The following STEAP1B variants were observed in gnomAD, a reference collection of about 807,000 sequenced individuals.
STEAP1B encodes the protein STEAP family protein MGC87042.
In STEAP1B, 13 loss-of-function variants were observed where a neutral mutation model predicts 27.9. That is an observed-to-expected ratio of 0.47 (90% confidence interval 0.30 to 0.74). STEAP1B has a LOEUF of 0.74. Among genes scored for constraint, STEAP1B ranks in the 30% least tolerant of loss-of-function variants. The probability of loss-of-function intolerance (pLI) is 0.06; values close to 1 mark genes in which losing one functional copy is unlikely to be tolerated. For synonymous variants in STEAP1B, 86 were observed against 107.1 expected (o/e 0.80, Z 1.22); for missense variants, 250 against 298.7 (o/e 0.84, Z 1.20).
chr7:22,477,336 C>T (rs556484382), intron 4 of STEAP1B, among the ~76,000 whole-genome samples: 2 of 152,278 alleles, frequency 1.3e-5, no homozygotes, highest in East Asian at 3.9e-4. Context: ...TGATGGCTTC[C>T]TATTAATGCC....
intron 4 of STEAP1B, among the ~76,000 whole-genome samples, chr7:22,479,200 G>A (rs762345803): frequency 1.4e-4 from 21 of 152,204 alleles, no homozygotes; most frequent in Admixed American, 2.0e-4. Context: ...GGGGCTTGCT[G>A]GGTGGGACTG....
intron 4 of STEAP1B, among the ~76,000 whole-genome samples, chr7:22,452,350 G>C (rs1216583269): frequency 1.3e-5 from 2 of 152,190 alleles, no homozygotes; most frequent in East Asian, 3.9e-4. Flanking sequence ...GTGAGAAACG[G>C]AAAGAAAGTG....
chr7:22,493,716 G>C lies in STEAP1B; in HGVS notation c.205C>G (p.Pro69Ala). 1.2e-6 allele frequency: 2 copies of C among 1,613,970 alleles called. No homozygotes were observed. The highest frequency in any genetic ancestry group is 1.7e-6 in the Non-Finnish European group (2 of 1,179,858). Residue 69 changes from proline (P) to alanine (A), a missense_variant, in exon 3 of 5, where the codon CCA becomes GCA. Physicochemically the swap from Pro to Ala is conservative, Grantham distance 27 (BLOSUM62 -1). Transcript: ENST00000678116. Reference sequence around the variant, plus strand: ...ATTTTAATTGGCAAGTGCCACTGTGGAAAGAGTTCCTGTGCGTGCTGAAGT... The same window carrying C: ...ATTTTAATTGGCAAGTGCCACTGTGCAAAGAGTTCCTGTGCGTGCTGAAGT... ...SELQHAQELFPQWHLPIKIAA... is the reference protein window; with the variant it reads ...SELQHAQELFAQWHLPIKIAA...
At chr7:22,432,369 T>C (rs1180443300) in intron 4 of STEAP1B, among the ~76,000 whole-genome samples, 1 of 136,660 alleles carries the variant, frequency 7.3e-6, no homozygotes, top group Non-Finnish European at 1.5e-5. Context: ...AGAAACCCTA[T>C]ACCTAATAAA....
chr7:22,449,636 T>C (rs1034509801), intron 4 of STEAP1B, among the ~76,000 whole-genome samples: 2 of 152,210 alleles, frequency 1.3e-5, no homozygotes, highest in African/African-American at 4.8e-5. Flanking sequence ...GATATAGTAA[T>C]TTCCTTTCTT....
chr7:22,456,972 A>ATATATATATATTTTTTTTTTTTT, intron 4 of STEAP1B, among the ~76,000 whole-genome samples: 2 of 57,042 alleles, frequency 3.5e-5, no homozygotes, highest in East Asian at 1.3e-3. Flanking sequence ...ATATATATAT[A>ATATATATATATTTTTTTTTTTTT]TTTTTTTTTT....
chr7:22,434,215 C>G (rs1203759375), intron 4 of STEAP1B, among the ~76,000 whole-genome samples: 6 of 152,146 alleles, frequency 3.9e-5, no homozygotes, highest in Non-Finnish European at 8.8e-5. Flanking sequence ...CCTCCAGGGA[C>G]AGGAAGGGGA....
intron 4 of STEAP1B, among the ~76,000 whole-genome samples, chr7:22,452,519 A>G (rs1785508156): frequency 6.6e-6 from 1 of 152,208 alleles, no homozygotes; most frequent in South Asian, 2.1e-4. Flanking sequence ...ATCACAAAGC[A>G]AGACAAAAAG....
intron 4 of STEAP1B, among the ~76,000 whole-genome samples, chr7:22,443,728 C>CT (rs1785367849): frequency 6.6e-6 from 1 of 152,204 alleles, no homozygotes; most frequent in Non-Finnish European, 1.5e-5. Flanking sequence ...GCATTGCTGG[C>CT]TGTCATGGTA....
At chr7:22,482,020 T>C (rs1202821306) in intron 4 of STEAP1B, among the ~76,000 whole-genome samples, 1 of 152,184 alleles carries the variant, frequency 6.6e-6, no homozygotes, top group Non-Finnish European at 1.5e-5. Context: ...CACTGTGTTC[T>C]CTCTGGAAAC....
intron 4 of STEAP1B, among the ~76,000 whole-genome samples, chr7:22,442,529 T>C (rs1296307003): frequency 6.6e-6 from 1 of 152,234 alleles, no homozygotes; most frequent in Non-Finnish European, 1.5e-5. Context: ...TGAAGAGCTC[T>C]TTCCCAAATA....
At chr7:22,470,462 T>C (rs116411315) in intron 4 of STEAP1B, among the ~76,000 whole-genome samples, 161 of 152,298 alleles carry the variant, frequency 1.1e-3, no homozygotes, top group African/African-American at 3.9e-3. Context: ...TTGACAAATG[T>C]AGAAGGAATG....
intron 4 of STEAP1B, among the ~76,000 whole-genome samples, chr7:22,472,975 C>A (rs899233501): frequency 6.6e-6 from 1 of 152,176 alleles, no homozygotes; most frequent in Non-Finnish European, 1.5e-5. Context: ...GCTCTAAGAG[C>A]ACCCTCTGCA....
chr7:22,428,786 G>A (rs189724234), intron 4 of STEAP1B, among the ~76,000 whole-genome samples: 337 of 151,912 alleles, frequency 2.2e-3, no homozygotes, highest in Non-Finnish European at 3.7e-3. Flanking sequence ...GCGAGAGTCC[G>A]TCTCAAAAAA....
At chr7:22,470,261 G>A (rs538373038) in intron 4 of STEAP1B, among the ~76,000 whole-genome samples, 12 of 152,284 alleles carry the variant, frequency 7.9e-5, no homozygotes, top group Admixed American at 2.6e-4. Context: ...TAGCCGTATC[G>A]AAAGAGCACA....
intron 4 of STEAP1B, among the ~76,000 whole-genome samples, chr7:22,490,692 T>C (rs984549291): frequency 2.0e-5 from 3 of 152,220 alleles, no homozygotes; most frequent in African/African-American, 7.2e-5. Flanking sequence ...GGTGGGCTCA[T>C]TTCACTTAGA....
intron 4 of STEAP1B, among the ~76,000 whole-genome samples, chr7:22,454,855 ATATATATATATTT>A (rs1562572873): frequency 2.9e-5 from 2 of 69,590 alleles, no homozygotes; most frequent in Non-Finnish European, 5.2e-5. Flanking sequence ...ATATGTATAT[ATATATATATATTT>A]TTTTTTTTTT....
intron 4 of STEAP1B, among the ~76,000 whole-genome samples, chr7:22,473,093 G>GA (rs1785912559): frequency 6.6e-6 from 1 of 152,074 alleles, no homozygotes; most frequent in South Asian, 2.1e-4. Flanking sequence ...TGGAATTGAG[G>GA]AAAGAAAGAT....
intron 4 of STEAP1B, among the ~76,000 whole-genome samples, chr7:22,455,338 CA>C (rs1785561606): frequency 6.6e-6 from 1 of 152,180 alleles, no homozygotes. Flanking sequence ...CACCAATTTA[CA>C]ATCTCACAAA....
Sources: allele counts gnomAD v4.1 joint callset (sites outside exome capture counted in the v4.1 genomes callset), GRCh38; gene constraint gnomAD v4.1.1; transcripts MANE v1.5; gene names NCBI Gene and HGNC (gene_info 2026-07-23, HGNC 2026-07-21).